Variants in RBFOX1 observed in about 807,000 individuals in gnomAD.
The protein encoded by RBFOX1 is RNA binding protein fox-1 homolog 1.
Under a neutral mutation model 57.7 loss-of-function variants are expected in RBFOX1, and 8 were observed. The ratio of observed to expected loss-of-function variants is 0.14; its 90% confidence interval spans 0.08 to 0.25. RBFOX1 has a LOEUF of 0.25. Ranked by LOEUF, RBFOX1 falls within the 10% of genes least tolerant of loss-of-function variation. RBFOX1 has a pLI of 1.00. For synonymous variants in RBFOX1, 326 were observed against 222.4 expected, an observed-to-expected ratio of 1.47 and a Z score of -4.15; for missense variants, 611 against 548.5, an observed-to-expected ratio of 1.11 and a Z score of -1.14.
At chr16:5,811,125 T>C (rs1391170128) in intron 3 of RBFOX1, among the ~76,000 whole-genome samples, 2 of 149,644 alleles carry the variant, frequency 1.3e-5, no homozygotes, top group African/African-American at 4.9e-5. Flanking sequence ...TTTATATAAA[T>C]GAAATCTTAT....
At chr16:6,628,796 T>A (rs1263352641) in intron 2 of RBFOX1, among the ~76,000 whole-genome samples, 4 of 152,192 alleles carry the variant, frequency 2.6e-5, no homozygotes, top group African/African-American at 9.7e-5. Context: ...TTCCAAAGTT[T>A]AGGTATGATC....
At chr16:5,373,128 GA>G (rs2065901164) in intron 1 of RBFOX1, among the ~76,000 whole-genome samples, 1 of 152,224 alleles carries the variant, frequency 6.6e-6, no homozygotes, top group Non-Finnish European at 1.5e-5. Flanking sequence ...AGGAGGACGT[GA>G]AATGGATTTT....
At chr16:5,474,918 TA>T (rs1242598024) in intron 2 of RBFOX1, among the ~76,000 whole-genome samples, 2 of 152,224 alleles carry the variant, frequency 1.3e-5, no homozygotes, top group African/African-American at 4.8e-5. Context: ...AACCTTTTAT[TA>T]ATAGAAAATG....
intron 3 of RBFOX1, among the ~76,000 whole-genome samples, chr16:5,704,550 G>A (rs191728533): frequency 3.3e-5 from 5 of 152,298 alleles, no homozygotes; most frequent in East Asian, 3.9e-4. Flanking sequence ...CAGTCACACC[G>A]TTATTCCTCG....
chr16:7,268,449 C>A (rs891472294), intron 4 of RBFOX1, among the ~76,000 whole-genome samples: 5 of 152,176 alleles, frequency 3.3e-5, no homozygotes, highest in Non-Finnish European at 5.9e-5. Context: ...GCAGGTCGTT[C>A]CTCTGCCCAA....
At chr16:7,534,087 T>TTTTC (rs770577663) in intron 5 of RBFOX1, among the ~76,000 whole-genome samples, 5 of 33,132 alleles carry the variant, frequency 1.5e-4, no homozygotes, top group East Asian at 6.7e-4. Flanking sequence ...GTTTTTTTTC[T>TTTTC]TTTTTTTTTT....
chr16:7,578,182 A>T (rs2093480257), intron 5 of RBFOX1, among the ~76,000 whole-genome samples: 1 of 152,218 alleles, frequency 6.6e-6, no homozygotes, highest in African/African-American at 2.4e-5. Context: ...CATACCAGGA[A>T]CTTGGCCAAG....
At chr16:7,073,511 C>T (rs1022555426) in intron 4 of RBFOX1, among the ~76,000 whole-genome samples, 2 of 152,068 alleles carry the variant, frequency 1.3e-5, no homozygotes, top group Admixed American at 6.6e-5. Flanking sequence ...GTATTGAAAT[C>T]CACACAATTG....
intron 3 of RBFOX1, among the ~76,000 whole-genome samples, chr16:5,729,850 C>T (rs1306638042): frequency 6.6e-6 from 1 of 152,184 alleles, no homozygotes; most frequent in African/African-American, 2.4e-5. Flanking sequence ...ATGCCAGACC[C>T]TTGGCTATTT....
At chr16:6,239,584 C>T (rs1008385971) in intron 1 of RBFOX1, among the ~76,000 whole-genome samples, 5 of 150,168 alleles carry the variant, frequency 3.3e-5, no homozygotes, top group South Asian at 2.1e-4. Context: ...CTGCATCCTC[C>T]GCCACCTGGT....
chr16:5,304,840 T>C (rs995790473), intron 1 of RBFOX1, among the ~76,000 whole-genome samples: 7 of 151,496 alleles, frequency 4.6e-5, no homozygotes, highest in African/African-American at 1.7e-4. Context: ...GTGATTTTTT[T>C]CCCCCAAAAC....
At chr16:7,489,765 C>G (rs1463947210) in intron 4 of RBFOX1, among the ~76,000 whole-genome samples, 6 of 151,918 alleles carry the variant, frequency 3.9e-5, no homozygotes, top group Non-Finnish European at 7.4e-5. Context: ...AAGTGATCCT[C>G]CCAACTCAGC....
chr16:7,042,288 G>A (rs78931894), intron 3 of RBFOX1, among the ~76,000 whole-genome samples: 14,665 of 152,186 alleles, frequency 0.096, 1,161 homozygotes, highest in East Asian at 0.32. Context: ...TGGGGAGGAG[G>A]GCTAACAGTG....
intron 1 of RBFOX1, among the ~76,000 whole-genome samples, chr16:5,328,043 C>T (rs897596254): frequency 1.3e-5 from 2 of 152,158 alleles, no homozygotes; most frequent in Non-Finnish European, 2.9e-5. Flanking sequence ...AAAACAAATG[C>T]AGCCCCCATG....
intron 2 of RBFOX1, among the ~76,000 whole-genome samples, chr16:6,428,026 T>C (rs1448342975): frequency 6.6e-6 from 1 of 152,200 alleles, no homozygotes. Context: ...CTCATGCCTG[T>C]AATCCCAGCA....
intron 2 of RBFOX1, among the ~76,000 whole-genome samples, chr16:6,384,549 C>T (rs1368903346): frequency 1.3e-5 from 2 of 152,126 alleles, no homozygotes; most frequent in Non-Finnish European, 2.9e-5. Context: ...ATGGAGCTTA[C>T]ACAATTACTT....
intron 1 of RBFOX1, among the ~76,000 whole-genome samples, chr16:5,335,797 G>C (rs1464100106): frequency 6.6e-6 from 1 of 152,164 alleles, no homozygotes; most frequent in Non-Finnish European, 1.5e-5. Flanking sequence ...TGGGTGTTCA[G>C]TAAATATTCC....
rs113443857 is a variant in RBFOX1, at chr16:5,908,898, C to T, written c.351+41563C>T. Among the ~76,000 whole-genome samples, 1,314 of 152,074 alleles carry T rather than the reference C, an allele frequency of 8.6e-3. 19 individuals carry two copies. The highest frequency in any genetic ancestry group is 0.029 in the African/African-American group (1,220 of 41,472). ...ATAGAAGAGGTCACAGAGAGCTCCT[C>T]TCTGTGTGAGGACACAGCAAGAAGC... On this transcript the variant is annotated intron_variant, in intron 4 of 19. Transcript: ENST00000641259.
intron 10 of RBFOX1, among the ~76,000 whole-genome samples, chr16:7,610,610 C>T (rs962061573): frequency 6.6e-5 from 10 of 152,174 alleles, no homozygotes; most frequent in Admixed American, 6.5e-5. Context: ...ACATGCTTTC[C>T]TCTTTTCAGC....
Sources: allele counts gnomAD v4.1 joint callset (sites outside exome capture counted in the v4.1 genomes callset), GRCh38; gene constraint gnomAD v4.1.1; transcripts MANE v1.5; gene names NCBI Gene and HGNC (gene_info 2026-07-23, HGNC 2026-07-21).